PLXDC2: variants seen among roughly 807,000 people sequenced by gnomAD.
The protein encoded by PLXDC2 is plexin domain containing 2, also known as plexin domain-containing protein 2.
A neutral mutation model predicts 68.9 loss-of-function variants in PLXDC2; 40 were observed. That is an observed-to-expected ratio of 0.58 (90% CI 0.45 to 0.76). PLXDC2 has a LOEUF of 0.76. Among genes scored for constraint, PLXDC2 ranks in the 30% least tolerant of loss-of-function variants. The probability of loss-of-function intolerance (pLI) is 0.00; values close to 1 mark genes in which losing one functional copy is unlikely to be tolerated. For synonymous variants in PLXDC2, 243 were observed against 234.2 expected (o/e 1.04, Z -0.34); for missense variants, 644 against 661.9 (o/e 0.97, Z 0.30).
At chr10:20,048,399 A>T (rs1304604335) in intron 3 of PLXDC2, among the ~76,000 whole-genome samples, 1 of 151,398 alleles carries the variant, frequency 6.6e-6, no homozygotes, top group African/African-American at 2.4e-5. Flanking sequence ...TTCTATATTC[A>T]GGCAACCCCA....
chr10:20,052,176 C>T (rs1835914162), intron 3 of PLXDC2, among the ~76,000 whole-genome samples: 1 of 152,022 alleles, frequency 6.6e-6, no homozygotes, highest in African/African-American at 2.4e-5. Context: ...AGCTTTACTG[C>T]TTAGATCTTA....
At chr10:20,145,836 A>AAT (rs1834069413) in intron 5 of PLXDC2, among the ~76,000 whole-genome samples, 1 of 152,114 alleles carries the variant, frequency 6.6e-6, no homozygotes, top group South Asian at 2.1e-4. Flanking sequence ...TACAGTTGTG[A>AAT]GCCACCGCAC....
At chr10:19,953,152 A>AT (rs1273925536) in intron 1 of PLXDC2, among the ~76,000 whole-genome samples, 5 of 152,132 alleles carry the variant, frequency 3.3e-5, no homozygotes, top group Non-Finnish European at 5.9e-5. Flanking sequence ...GTTTCTGTAC[A>AT]TTTTTTTAGA....
At chr10:19,836,303 G>C (rs1381057330) in intron 1 of PLXDC2, among the ~76,000 whole-genome samples, 1 of 152,124 alleles carries the variant, frequency 6.6e-6, no homozygotes. Context: ...ATAGGCATGG[G>C]GGAAGACAAT....
intron 9 of PLXDC2, among the ~76,000 whole-genome samples, chr10:20,202,206 C>A (rs1834930013): frequency 6.6e-6 from 1 of 152,084 alleles, no homozygotes; most frequent in East Asian, 1.9e-4. Context: ...AAAAAGGAAT[C>A]ATTGCAACAA....
intron 1 of PLXDC2, among the ~76,000 whole-genome samples, chr10:19,976,242 C>A (rs1834453760): frequency 6.6e-6 from 1 of 151,966 alleles, no homozygotes; most frequent in Non-Finnish European, 1.5e-5. Flanking sequence ...GAGACAGAGT[C>A]TCACTCTGTC....
At chr10:20,072,547 G>GAAAGAAAGAA (rs1836352565) in intron 4 of PLXDC2, among the ~76,000 whole-genome samples, 1 of 145,614 alleles carries the variant, frequency 6.9e-6, no homozygotes, top group Non-Finnish European at 1.5e-5. Context: ...AAGAAAGAAA[G>GAAAGAAAGAA]AAAGAAAAGG....
At chr10:20,082,438 A>G (rs1836584966) in intron 4 of PLXDC2, among the ~76,000 whole-genome samples, 1 of 152,016 alleles carries the variant, frequency 6.6e-6, no homozygotes, top group Non-Finnish European at 1.5e-5. Flanking sequence ...GTTTATTTTT[A>G]AAAAAGGAAA....
chr10:19,910,105 A>G (rs1172142981), intron 1 of PLXDC2, among the ~76,000 whole-genome samples: 3 of 151,908 alleles, frequency 2.0e-5, no homozygotes, highest in Non-Finnish European at 4.4e-5. Flanking sequence ...TGTAACAGCA[A>G]TATCATTGAC....
chr10:20,164,645 T>G, intron 7 of PLXDC2, 78 bp downstream of exon 7: 3 of 1,066,130 alleles, frequency 2.8e-6, no homozygotes, highest in Non-Finnish European at 4.3e-6. Context: ...ATGGCAGCTG[T>G]ACCTGAATTA....
In PLXDC2 at chr10:19,816,815, G is replaced by A. The variant is rs1836350816; in HGVS notation, c.-265G>A. 3.8e-6 allele frequency: 2 copies of A among 531,424 alleles called. No individual in the cohort carries two copies. Among genetic ancestry groups the A allele is most frequent in the East Asian group, 6.2e-5 (2 of 32,246 alleles). 32.9% of individuals were successfully genotyped at this position (531,424 alleles called of 1,614,324 possible). ...CTGCAAGTGGCCTCTCCTCCCCGCGGTTGTTGTTCAGTGTCGGGTGAGGGC... is the reference window on the plus strand; with the variant it reads ...CTGCAAGTGGCCTCTCCTCCCCGCGATTGTTGTTCAGTGTCGGGTGAGGGC... On this transcript the variant is annotated 5_prime_UTR_variant, in exon 1 of 14. Coordinates refer to ENST00000377252, the MANE Select transcript of PLXDC2 (RefSeq NM_032812.9).
intron 12 of PLXDC2, among the ~76,000 whole-genome samples, chr10:20,220,570 C>G (rs1835196141): frequency 6.6e-6 from 1 of 151,848 alleles, no homozygotes; most frequent in African/African-American, 2.4e-5. Context: ...TAGGAAAAAA[C>G]AAACAAAGGA....
chr10:20,197,573 G>A (rs936419777), intron 9 of PLXDC2, among the ~76,000 whole-genome samples: 1 of 152,124 alleles, frequency 6.6e-6, no homozygotes, highest in African/African-American at 2.4e-5. Context: ...GGCCAGGATG[G>A]TCTTGATCTC....
chr10:20,010,137 C>T (rs368867425), intron 2 of PLXDC2, among the ~76,000 whole-genome samples: 1 of 152,134 alleles, frequency 6.6e-6, no homozygotes, highest in Non-Finnish European at 1.5e-5. Flanking sequence ...CTGTCATTGC[C>T]TTTCCTGGCA....
intron 1 of PLXDC2, among the ~76,000 whole-genome samples, chr10:19,887,032 G>C (rs974316626): frequency 6.6e-6 from 1 of 152,100 alleles, no homozygotes; most frequent in African/African-American, 2.4e-5. Flanking sequence ...TGACTTCATA[G>C]CTCCCCTGAA....
At chr10:19,879,833 A>G (rs1837697273) in intron 1 of PLXDC2, among the ~76,000 whole-genome samples, 1 of 152,088 alleles carries the variant, frequency 6.6e-6, no homozygotes, top group Admixed American at 6.6e-5. Flanking sequence ...CAGTGAGTTG[A>G]TTGGGTTCTC....
intron 1 of PLXDC2, among the ~76,000 whole-genome samples, chr10:19,978,567 T>C (rs576210886): frequency 6.6e-6 from 1 of 152,290 alleles, no homozygotes; most frequent in Non-Finnish European, 1.5e-5. Context: ...TTCACCCCAG[T>C]TCTGATGTCA....
chr10:19,946,066 A>G (rs1367723326), intron 1 of PLXDC2, among the ~76,000 whole-genome samples: 2 of 152,150 alleles, frequency 1.3e-5, no homozygotes, highest in East Asian at 3.9e-4. Context: ...AATGCTTCCA[A>G]TATTGAAATC....
intron 4 of PLXDC2, among the ~76,000 whole-genome samples, chr10:20,121,172 TTA>T (rs1166863545): frequency 2.0e-5 from 3 of 152,236 alleles, no homozygotes; most frequent in African/African-American, 7.2e-5. Context: ...ATTTTGGAAG[TTA>T]TGAGACATGT....
Sources: gnomAD v4.1 joint callset for allele counts (sites outside exome capture counted in the v4.1 genomes callset) on GRCh38, gnomAD v4.1.1 for gene constraint, MANE v1.5 for transcripts, NCBI Gene and HGNC (gene_info 2026-07-23, HGNC 2026-07-21) for gene names.